The following MTSS1 variants were observed in gnomAD, a reference collection of about 807,000 sequenced individuals.
The protein encoded by MTSS1 is MTSS I-BAR domain containing 1.
In MTSS1, 18 loss-of-function variants were observed where a neutral mutation model predicts 79.0. That is an observed-to-expected ratio of 0.23 (90% confidence interval 0.16 to 0.34). The LOEUF is 0.34. Among genes scored for constraint, MTSS1 ranks in the 10% least tolerant of loss-of-function variants. The pLI is 1.00. For synonymous variants in MTSS1, 341 were observed against 368.6 expected (o/e 0.93, Z 0.86); for missense variants, 815 against 986.2 (o/e 0.83, Z 2.33).
At position 124,562,934 on chromosome 8, in the gene MTSS1, G is replaced by C; in HGVS notation, c.883C>G (p.Pro295Ala). 6.2e-7 allele frequency: 1 copy of C among 1,613,628 alleles called. No homozygotes were observed. The highest frequency in any genetic ancestry group is 1.1e-5 in the South Asian group (1 of 91,006). ...SRSSGSHSHS[P>A]SSHYRYRSSN... Reference sequence around the variant, plus strand: ...CTGCGGTAGCGGTAATGTGAGCTGGGGGAATGCGAGTGGGAGCCGCTGGAC... The same window carrying C: ...CTGCGGTAGCGGTAATGTGAGCTGGCGGAATGCGAGTGGGAGCCGCTGGAC... Residue 295 changes from proline to alanine, a missense_variant, in exon 10 of 14, where the codon CCC becomes GCC. Around this residue, in one of 2 missense-constraint regions of MTSS1, gnomAD observed 590 missense variants for 620.8 expected, o/e 0.95. Transcript: ENST00000518547.
At position 124,682,615 on chromosome 8, in the gene MTSS1, G is replaced by C. The variant is rs555625076; in HGVS notation, c.208+16911C>G. Reference sequence around the variant, plus strand: ...GGCTAAAGTGGCCGGTTTGGCTCTCGTGATGCAGAAGGAAGCCTGGAGTCA... The same window carrying C: ...GGCTAAAGTGGCCGGTTTGGCTCTCCTGATGCAGAAGGAAGCCTGGAGTCA... On this transcript the variant is annotated intron_variant, in intron 3 of 13. Transcript: ENST00000518547. Among the ~76,000 whole-genome samples, 7 of 152,328 alleles carry C rather than the reference G, an allele frequency of 4.6e-5. No homozygotes were observed. The East Asian group carries it at 1.3e-3, about 29-fold the overall frequency.
At chr8:124,594,102 T>C (rs1010278516) in intron 3 of MTSS1, among the ~76,000 whole-genome samples, 1 of 152,176 alleles carries the variant, frequency 6.6e-6, no homozygotes, top group Admixed American at 6.5e-5. Context: ...AATTATGATG[T>C]TGGAAAAGAT....
Position 124,552,711 on chromosome 8 carries a change from A to T in MTSS1, c.*281T>A. On this transcript the variant is annotated 3_prime_UTR_variant, in exon 14 of 14. Coordinates refer to ENST00000518547, the MANE Select transcript of MTSS1 (RefSeq NM_014751.6). ...TAAAATTTTACAAAGACTTGTAAAA[A>T]AGTTAAATGGAATTTGGCACCTTCA... 2.6e-6 allele frequency: 1 copy of T among 382,772 alleles called. No individual in the cohort carries two copies. Among genetic ancestry groups the T allele is most frequent in the Non-Finnish European group, 4.7e-6 (1 of 214,510 alleles). 23.7% of individuals were successfully genotyped at this position (382,772 alleles called of 1,614,324 possible).
intron 3 of MTSS1, among the ~76,000 whole-genome samples, chr8:124,691,657 A>AG (rs1351893536): frequency 2.0e-5 from 3 of 152,084 alleles, no homozygotes; most frequent in African/African-American, 7.2e-5. Context: ...CTGGGACTAC[A>AG]GATGCCCGCC....
At chr8:124,616,787 G>C (rs1836956042) in intron 3 of MTSS1, among the ~76,000 whole-genome samples, 2 of 152,338 alleles carry the variant, frequency 1.3e-5, no homozygotes, top group African/African-American at 2.4e-5. Context: ...GCACTCACTT[G>C]TTGAAATCTT....
At chr8:124,687,988 G>C (rs899943516) in intron 3 of MTSS1, among the ~76,000 whole-genome samples, 3 of 152,144 alleles carry the variant, frequency 2.0e-5, no homozygotes, top group Admixed American at 2.0e-4. Context: ...GGCTCTAAAG[G>C]GAAGTACCAC....
At chr8:124,595,506 C>T (rs7830542) in intron 3 of MTSS1, among the ~76,000 whole-genome samples, 147 of 152,266 alleles carry the variant, frequency 9.7e-4, no homozygotes, top group African/African-American at 3.3e-3. Context: ...TCAAAGCCAG[C>T]GGTGCAATCT....
chr8:124,686,273 G>C lies in MTSS1; in HGVS notation c.208+13253C>G, dbSNP rs116818740. ...ATCACGCAGGGAGCGCAACACGAAC[G>C]GGAACTCAAGCGCTCTGTTCACCCC... is the stretch of plus-strand genomic sequence containing the variant. On this transcript the variant is annotated intron_variant, in intron 3 of 13. Transcript: ENST00000518547. Among the ~76,000 whole-genome samples the C allele has an allele frequency of 7.4e-3, 1,128 of 152,208 alleles. 10 individuals carry two copies. Among genetic ancestry groups the C allele is most frequent in the Middle Eastern group, 0.027 (8 of 294 alleles).
intron 3 of MTSS1, among the ~76,000 whole-genome samples, chr8:124,688,166 G>A (rs945051841): frequency 2.6e-5 from 4 of 152,100 alleles, no homozygotes; most frequent in African/African-American, 4.8e-5. Context: ...GTGTATGTGC[G>A]TACGTGTGCG....
At chr8:124,710,326 C>A (rs1274117265) in intron 1 of MTSS1, among the ~76,000 whole-genome samples, 1 of 152,222 alleles carries the variant, frequency 6.6e-6, no homozygotes, top group Non-Finnish European at 1.5e-5. Context: ...CCTGGCATCA[C>A]TCTAGTTCCT....
At chr8:124,554,608 A>G (rs550548510) in intron 13 of MTSS1, among the ~76,000 whole-genome samples, 54 of 152,296 alleles carry the variant, frequency 3.5e-4, no homozygotes, top group African/African-American at 1.2e-3. Flanking sequence ...TTGAGGATGA[A>G]GGAGGCAGGT....
chr8:124,615,221 G>C (rs138017365), intron 3 of MTSS1, among the ~76,000 whole-genome samples: 33 of 152,210 alleles, frequency 2.2e-4, no homozygotes, highest in African/African-American at 8.0e-4. Context: ...CCTGGAAATG[G>C]CTTCAGGAAA....
At chr8:124,674,351 T>C (rs145411949) in intron 3 of MTSS1, among the ~76,000 whole-genome samples, 86 of 152,268 alleles carry the variant, frequency 5.6e-4, no homozygotes, top group Non-Finnish European at 1.0e-3. Context: ...AATTATAAAA[T>C]ATGCATAATC....
chr8:124,671,052 T>C (rs199808348), intron 3 of MTSS1, among the ~76,000 whole-genome samples: 117 of 136,240 alleles, frequency 8.6e-4, no homozygotes, highest in Middle Eastern at 3.5e-3. Flanking sequence ...TTTCTTTTTC[T>C]TTTTTTCCTG....
rs1015665500 is a variant in MTSS1 at position 124,551,404 on chromosome 8, G to A, written c.*1588C>T. ...TAACATAAAATGTCCTTGAGCAATCGCAGCAGTGTTCAATGTTAATATATA... is the reference window on the plus strand; with the variant it reads ...TAACATAAAATGTCCTTGAGCAATCACAGCAGTGTTCAATGTTAATATATA... On this transcript the variant is annotated 3_prime_UTR_variant, in exon 14 of 14. Transcript: ENST00000518547. 6.6e-6 allele frequency: 1 copy of A among 152,596 alleles called. No individual in the cohort carries two copies. The highest frequency in any genetic ancestry group is 2.4e-5 in the African/African-American group (1 of 41,426). 9.5% of individuals were successfully genotyped at this position (152,596 alleles called of 1,614,324 possible).
At chr8:124,562,178 C>T (rs1825485912) in intron 10 of MTSS1, among the ~76,000 whole-genome samples, 1 of 152,200 alleles carries the variant, frequency 6.6e-6, no homozygotes, top group African/African-American at 2.4e-5. Context: ...GCGTTCTGCT[C>T]CAGCTGGAAC....
chr8:124,695,004 T>A (rs1828562711), intron 3 of MTSS1, among the ~76,000 whole-genome samples: 1 of 140,672 alleles, frequency 7.1e-6, no homozygotes, highest in Non-Finnish European at 1.6e-5. Flanking sequence ...TATCCACTTA[T>A]ACACTTTCAT....
rs985985251 is a variant in MTSS1, at chr8:124,602,196, T to C, written c.209-10961A>G. ...TAAATCTCATATATATACATATATA[T>C]ATATATATATAATTTTTTTTTGAGA... On this transcript the variant is annotated intron_variant, in intron 3 of 13. Transcript: ENST00000518547. Among the ~76,000 whole-genome samples the C allele has an allele frequency of 4.2e-5, 6 of 142,910 alleles. 1 individual carries two copies. Among genetic ancestry groups the C allele is most frequent in the South Asian group, 4.3e-4 (2 of 4,610 alleles). The allele number at this position is 142,910 out of a possible 152,430, so 93.8% of individuals were successfully genotyped here.
intron 3 of MTSS1, among the ~76,000 whole-genome samples, chr8:124,627,035 A>G (rs147652199): frequency 6.6e-5 from 10 of 152,018 alleles, no homozygotes; most frequent in African/African-American, 2.4e-4. Context: ...TCCTGTGCAC[A>G]TTCCCATTTA....
Sources: gnomAD v4.1 joint callset for allele counts (sites outside exome capture counted in the v4.1 genomes callset) on GRCh38, gnomAD v4.1.1 for gene constraint, gnomAD v4.1.1 regional missense constraint, MANE v1.5 for transcripts, NCBI Gene and HGNC (gene_info 2026-07-23, HGNC 2026-07-21) for gene names.